The following NUP210L variants were observed in gnomAD, a reference collection of about 807,000 sequenced individuals.
NUP210L encodes nuclear pore membrane glycoprotein 210-like.
NUP210L carries 74 observed loss-of-function variants against 208.5 expected under a neutral mutation model. The ratio of observed to expected loss-of-function variants is 0.35; its 90% CI spans 0.29 to 0.43. The LOEUF (loss-of-function observed/expected upper bound fraction) is 0.43, where lower values mean the gene tolerates loss of function less well. Among genes scored for constraint, NUP210L ranks in the 20% least tolerant of loss-of-function variants. NUP210L has a pLI of 1.00. For synonymous variants in NUP210L, 780 were observed against 816.9 expected, an observed-to-expected ratio of 0.95 and a Z score of 0.77; for missense variants, 1,843 against 2,289.4, an observed-to-expected ratio of 0.81 and a Z score of 3.98.
intron 25 of NUP210L, among the ~76,000 whole-genome samples, chr1:154,053,111 C>A (rs1653617645): frequency 6.6e-6 from 1 of 152,212 alleles, no homozygotes; most frequent in South Asian, 2.1e-4. Flanking sequence ...TAGAAGGACA[C>A]TCTGCAAACT....
At chr1:154,125,447 C>T (rs1657840254) in intron 10 of NUP210L, among the ~76,000 whole-genome samples, 1 of 150,994 alleles carries the variant, frequency 6.6e-6, no homozygotes, top group Admixed American at 6.7e-5. Flanking sequence ...GAGACTCTGC[C>T]TCGAAAAACT....
At chr1:154,010,466 C>T (rs184119226) in intron 34 of NUP210L, among the ~76,000 whole-genome samples, 15 of 152,192 alleles carry the variant, frequency 9.9e-5, no homozygotes, top group Admixed American at 4.6e-4. Context: ...TTCCATCTCC[C>T]GGTTCAGGCA....
intron 6 of NUP210L, 98 bp downstream of exon 6, chr1:154,138,008 A>G: frequency 1.1e-6 from 1 of 873,488 alleles, no homozygotes; most frequent in South Asian, 2.7e-5. Flanking sequence ...AAATCTAAAA[A>G]CACAAGTATT....
At chr1:154,124,254 A>T (rs1657771765) in intron 10 of NUP210L, among the ~76,000 whole-genome samples, 1 of 150,502 alleles carries the variant, frequency 6.6e-6, no homozygotes, top group Non-Finnish European at 1.5e-5. Context: ...AAAAGATTTG[A>T]CTGGCATTTA....
chr1:154,117,508 G>T (rs987560897), intron 12 of NUP210L, among the ~76,000 whole-genome samples: 2 of 152,106 alleles, frequency 1.3e-5, no homozygotes. Flanking sequence ...TTGAACCGGG[G>T]AGGCAGAGGT....
chr1:154,082,850 T>C (rs555677631), intron 16 of NUP210L, among the ~76,000 whole-genome samples: 10 of 152,122 alleles, frequency 6.6e-5, no homozygotes, highest in Non-Finnish European at 1.2e-4. Context: ...CTGGACTTGG[T>C]CATTCCTCCC....
intron 27 of NUP210L, among the ~76,000 whole-genome samples, chr1:154,045,193 G>A (rs1328162017): frequency 2.6e-5 from 4 of 152,096 alleles, no homozygotes; most frequent in Non-Finnish European, 5.9e-5. Context: ...TACCCATGGT[G>A]CCTGACATGG....
At chr1:154,034,485 T>C (rs1358739017) in intron 27 of NUP210L, among the ~76,000 whole-genome samples, 1 of 152,094 alleles carries the variant, frequency 6.6e-6, no homozygotes, top group Non-Finnish European at 1.5e-5. Flanking sequence ...CCCACCACCA[T>C]GCCCAGCTAA....
intron 2 of NUP210L, among the ~76,000 whole-genome samples, chr1:154,147,499 G>A (rs1481544796): frequency 6.6e-6 from 1 of 151,580 alleles, no homozygotes; most frequent in African/African-American, 2.4e-5. Flanking sequence ...CATCATGCCT[G>A]GCTAATTTTT....
chr1:154,114,915 AC>A (rs35861675), intron 12 of NUP210L, among the ~76,000 whole-genome samples: 46,129 of 150,872 alleles, frequency 0.31, 7,892 homozygotes, highest in Admixed American at 0.45. Flanking sequence ...TTTTCTATCC[AC>A]CCCGCTGGCA....
chr1:154,020,561 C>T (rs1651493489), intron 32 of NUP210L, among the ~76,000 whole-genome samples: 1 of 152,064 alleles, frequency 6.6e-6, no homozygotes, highest in South Asian at 2.1e-4. Context: ...GAGTCTCGCT[C>T]CATCACCCAG....
At chr1:154,008,186 A>T (rs1284642989) in intron 35 of NUP210L, among the ~76,000 whole-genome samples, 1 of 152,026 alleles carries the variant, frequency 6.6e-6, no homozygotes, top group Non-Finnish European at 1.5e-5. Context: ...TTATTTTTTC[A>T]TCAATAAATT....
At chr1:154,144,147 C>T (rs575226622) in intron 2 of NUP210L, among the ~76,000 whole-genome samples, 13 of 152,038 alleles carry the variant, frequency 8.6e-5, no homozygotes, top group African/African-American at 2.9e-4. Flanking sequence ...CGCCACTGCA[C>T]TCAAACCTGT....
At chr1:154,011,155 ATAAG>A (rs1246776879) in intron 34 of NUP210L, among the ~76,000 whole-genome samples, 1 of 152,004 alleles carries the variant, frequency 6.6e-6, no homozygotes, top group Non-Finnish European at 1.5e-5. Flanking sequence ...TCTCAATAAA[ATAAG>A]TAGTGATTTT....
chr1:154,071,685 G>C (rs927076251), intron 16 of NUP210L, among the ~76,000 whole-genome samples: 8 of 142,784 alleles, frequency 5.6e-5, no homozygotes, highest in Admixed American at 5.1e-4. Flanking sequence ...ACCCAGGCTG[G>C]AGTGCAGTGG....
chr1:154,150,827 T>C lies in NUP210L; in HGVS notation c.340+1909A>G, dbSNP rs146456011. 2.2e-3 allele frequency among the ~76,000 whole-genome samples: 328 copies of C among 152,206 alleles called. 3 individuals carry two copies. Among genetic ancestry groups the C allele is most frequent in the African/African-American group, 7.4e-3 (309 of 41,524 alleles). ...TAAAGTAGGCAACTCAATAAATATC[T>C]GTCCAAGGAATTAATGAACAATTTC... On this transcript the variant is annotated intron_variant, in intron 2 of 39. Transcript: ENST00000368559.
intron 7 of NUP210L, among the ~76,000 whole-genome samples, chr1:154,135,606 A>G (rs1439149228): frequency 2.0e-5 from 3 of 152,074 alleles, no homozygotes; most frequent in Non-Finnish European, 4.4e-5. Context: ...TATTTTTAGT[A>G]GAGTCAGGGT....
At chr1:154,086,987 A>G (rs1254449086) in intron 16 of NUP210L, among the ~76,000 whole-genome samples, 2 of 152,302 alleles carry the variant, frequency 1.3e-5, no homozygotes, top group South Asian at 2.1e-4. Context: ...TACATTTGTC[A>G]AAAGAAGATA....
At chr1:154,001,213 G>A (rs1348999033) in intron 36 of NUP210L, among the ~76,000 whole-genome samples, 153 bp from the exon 37 acceptor site, 1 of 152,082 alleles carries the variant, frequency 6.6e-6, no homozygotes, top group Non-Finnish European at 1.5e-5. Flanking sequence ...TTTTGTTGTT[G>A]TTGAGAGGGA....
Sources: allele counts gnomAD v4.1 joint callset (sites outside exome capture counted in the v4.1 genomes callset), GRCh38; gene constraint gnomAD v4.1.1; transcripts MANE v1.5; gene names NCBI Gene and HGNC (gene_info 2026-07-23, HGNC 2026-07-21).